ITGA8: variants seen among roughly 807,000 people sequenced by gnomAD.
The protein encoded by ITGA8 is integrin subunit alpha 8.
ITGA8 carries 91 observed loss-of-function variants against 142.3 expected under a neutral mutation model. The ratio of observed to expected loss-of-function variants is 0.64; its 90% CI spans 0.54 to 0.76. The LOEUF is 0.76. Among genes scored for constraint, ITGA8 ranks in the 30% least tolerant of loss-of-function variants. The probability of loss-of-function intolerance (pLI) is 0.00; values close to 1 mark genes in which losing one functional copy is unlikely to be tolerated. For missense variants in ITGA8, 1,406 were observed against 1,327.7 expected (o/e 1.06, Z -0.92); for synonymous variants, 505 against 485.2 (o/e 1.04, Z -0.54).
chr10:15,611,079 A>G (rs531260325), intron 15 of ITGA8, among the ~76,000 whole-genome samples: 15 of 152,358 alleles, frequency 9.8e-5, no homozygotes, highest in African/African-American at 3.6e-4. Flanking sequence ...AGTAGAGTTT[A>G]TGTGATAGTT....
chr10:15,644,469 TATATATATATATATATATATATAGAA>T (rs1564388885), intron 12 of ITGA8, among the ~76,000 whole-genome samples: 2 of 17,120 alleles, frequency 1.2e-4, no homozygotes, highest in African/African-American at 2.2e-4. Context: ...TATATATATA[TATATATATATATATATATATATAGAA>T]TTTTTTTTTT....
intron 26 of ITGA8, among the ~76,000 whole-genome samples, chr10:15,556,567 G>T (rs61843017): frequency 0.4 from 60,129 of 151,874 alleles, 12,588 homozygotes; most frequent in African/African-American, 0.53. Flanking sequence ...TATATCTATT[G>T]TAATTTTTAT....
At chr10:15,677,474 A>C in intron 6 of ITGA8, 118 bp downstream of exon 6, 1 of 757,900 alleles carries the variant, frequency 1.3e-6, no homozygotes, top group Non-Finnish European at 2.1e-6. Flanking sequence ...CATTTGAGAA[A>C]CTATGAATAA....
At position 15,684,047 on chromosome 10, in the gene ITGA8, A is replaced by C. The variant is rs2131703609; in HGVS notation, c.525T>G (p.Ile175Met). ...KDPVGTCYVA[I>M]QNFSAYAEFS... The stretch of plus-strand genomic sequence containing the variant: ...ACTCGGCATAGGCGCTGAAGTTCTG[A>C]ATTGCTACATAGCAGGTGCCAACTG... Residue 175 changes from isoleucine (I) to methionine (M), a missense_variant, in exon 4 of 30, where the codon ATT (isoleucine) becomes ATG (methionine). By Grantham distance (10) the Ile-to-Met change is conservative. Coordinates refer to ENST00000378076, the MANE Select transcript of ITGA8 (RefSeq NM_003638.3). 1.2e-6 allele frequency: 2 copies of C among 1,614,162 alleles called. No homozygotes were observed. The highest frequency in any genetic ancestry group is 1.6e-4 in the Middle Eastern group (1 of 6,062).
At chr10:15,561,450 T>TA (rs1374996037) in intron 25 of ITGA8, among the ~76,000 whole-genome samples, 1 of 151,846 alleles carries the variant, frequency 6.6e-6, no homozygotes, top group Non-Finnish European at 1.5e-5. Context: ...TGTAAAATTG[T>TA]AAAAAAAGTA....
intron 28 of ITGA8, among the ~76,000 whole-genome samples, chr10:15,524,071 C>T (rs1455452076): frequency 6.6e-6 from 1 of 152,222 alleles, no homozygotes; most frequent in Non-Finnish European, 1.5e-5. Flanking sequence ...TAAAAGAAGG[C>T]AACCTCTGAG....
Position 15,672,637 on chromosome 10 carries a change from A to G in ITGA8, c.789T>C (p.Asp263=). ...AATGGGTCTTACCAAGGTAACTGTC[A>G]TCATAGGAAGCTGGAGCCACTTCCG... ...KQTEVAPASY[D]DSYLGYSVAA... is the part of the protein sequence containing the mutation. The change falls in exon 7 of 30, where the codon GAT becomes GAC. Residue 263 remains aspartate, a synonymous_variant. Transcript: ENST00000378076. 6.2e-7 allele frequency: 1 copy of G among 1,613,450 alleles called. No homozygotes were observed. Among genetic ancestry groups the G allele is most frequent in the Non-Finnish European group, 8.5e-7 (1 of 1,179,670 alleles).
chr10:15,672,539 G>C, intron 7 of ITGA8, 85 bp downstream of exon 7: 1 of 1,434,120 alleles, frequency 7.0e-7, no homozygotes, highest in South Asian at 1.4e-5. Flanking sequence ...AAATAACATC[G>C]GATAAGTCAG....
intron 5 of ITGA8, among the ~76,000 whole-genome samples, chr10:15,678,471 G>A (rs1474819643): frequency 6.6e-6 from 1 of 152,122 alleles, no homozygotes; most frequent in African/African-American, 2.4e-5. Flanking sequence ...TCAGAAGAAA[G>A]GCTGTTGCTT....
rs1834271760 is a variant in ITGA8 at position 15,575,518 on chromosome 10, C to A, written c.2449G>T (p.Val817Phe). Residue 817 changes from valine (V) to phenylalanine (F), a missense_variant, in exon 24 of 30, where the codon GTT becomes TTT. Coordinates refer to ENST00000378076, the MANE Select transcript of ITGA8 (RefSeq NM_003638.3). ...PEEEPHKEEE[V>F]GPLVEHIYEL... ...TAAATATGTTCCACCAATGGTCCAA[C>A]CTCCTCCTCTTTGTGGGGCTCCTCT... The A allele has an allele frequency of 6.8e-6, 11 of 1,613,930 alleles. No individual in the cohort carries two copies. Among genetic ancestry groups the A allele is most frequent in the Non-Finnish European group, 9.3e-6 (11 of 1,179,820 alleles).
chr10:15,661,069 A>G, intron 8 of ITGA8, 147 bp from the exon 9 acceptor site: 1 of 692,862 alleles, frequency 1.4e-6, no homozygotes, highest in Non-Finnish European at 2.5e-6. Context: ...CCAGGCCATC[A>G]ACCAGCACCT....
chr10:15,692,887 G>A (rs929929567), intron 2 of ITGA8, among the ~76,000 whole-genome samples: 2 of 152,146 alleles, frequency 1.3e-5, no homozygotes, highest in African/African-American at 4.8e-5. Context: ...GACCAATATG[G>A]TGAAACTGTG....
rs759604352 is a variant in ITGA8, at chr10:15,660,936, T to C, written c.848-14A>G. ...CAGCAACCAATTCTGGGGATGAAAA[T>C]AGCCATTTAGAAGGGGAATTACTCA... On this transcript the variant is annotated splice_polypyrimidine_tract_variant and intron_variant, in intron 8 of 29. Coordinates refer to ENST00000378076, the MANE Select transcript of ITGA8 (RefSeq NM_003638.3). 1.9e-6 allele frequency: 3 copies of C among 1,611,954 alleles called. No homozygotes were observed. The South Asian group carries it at 3.3e-5, about 18-fold the overall frequency.
At chr10:15,677,048 A>C (rs1238435387) in intron 6 of ITGA8, among the ~76,000 whole-genome samples, 1 of 152,156 alleles carries the variant, frequency 6.6e-6, no homozygotes, top group East Asian at 1.9e-4. Flanking sequence ...ACAAATCGAA[A>C]TGATGCTTTT....
intron 28 of ITGA8, among the ~76,000 whole-genome samples, chr10:15,526,393 C>G (rs1304462455): frequency 6.6e-6 from 1 of 152,100 alleles, no homozygotes; most frequent in Non-Finnish European, 1.5e-5. Flanking sequence ...TCAGGCTGGT[C>G]TCAAACTCCC....
intron 13 of ITGA8, among the ~76,000 whole-genome samples, chr10:15,624,326 A>G (rs1179592517): frequency 1.3e-5 from 2 of 152,210 alleles, no homozygotes; most frequent in Non-Finnish European, 2.9e-5. Flanking sequence ...AATGACATTG[A>G]ACAAGTCAAT....
intron 26 of ITGA8, among the ~76,000 whole-genome samples, chr10:15,557,056 G>A (rs941785714): frequency 3.9e-5 from 6 of 152,238 alleles, no homozygotes; most frequent in South Asian, 4.2e-4. Context: ...AGAAGCTGCC[G>A]CAATAGGATG....
intron 27 of ITGA8, among the ~76,000 whole-genome samples, chr10:15,533,727 T>C (rs556398267): frequency 6.6e-6 from 1 of 152,342 alleles, no homozygotes; most frequent in South Asian, 2.1e-4. Flanking sequence ...CGCTTTTCTC[T>C]TACAGATTCT....
intron 28 of ITGA8, among the ~76,000 whole-genome samples, chr10:15,519,800 T>C (rs773495183): frequency 1.1e-4 from 16 of 152,150 alleles, no homozygotes; most frequent in Non-Finnish European, 1.6e-4. Flanking sequence ...TGTGTCTCCT[T>C]AGAACTCAGC....
Sources: gnomAD v4.1 joint callset for allele counts (sites outside exome capture counted in the v4.1 genomes callset) on GRCh38, gnomAD v4.1.1 for gene constraint, MANE v1.5 for transcripts, NCBI Gene and HGNC (gene_info 2026-07-23, HGNC 2026-07-21) for gene names.